The following ROR1 variants were observed in gnomAD, a reference collection of about 807,000 sequenced individuals.
The protein encoded by ROR1 is inactive tyrosine-protein kinase transmembrane receptor ROR1.
ROR1 carries 19 observed loss-of-function variants against 78.8 expected under a neutral mutation model. That is an observed-to-expected ratio of 0.24 (90% confidence interval 0.17 to 0.35). ROR1 has a LOEUF of 0.35. ROR1 is among the 10% of genes least tolerant of loss of function. The pLI is 1.00. For missense variants in ROR1, 917 were observed against 1,177.8 expected (o/e 0.78, Z 3.24); for synonymous variants, 386 against 433.6 (o/e 0.89, Z 1.36).
In ROR1 at chr1:63,938,880, C is replaced by T. The variant is rs760261338; in HGVS notation, c.92-70425C>T. On this transcript the variant is annotated intron_variant, in intron 1 of 8. Transcript: ENST00000371079. Reference sequence around the variant, plus strand: ...AGGTGTGGTGGCACATGCCTGTAGTCCCAGCTACTTGGGAGGCTGAGGTGA... The same window carrying T: ...AGGTGTGGTGGCACATGCCTGTAGTTCCAGCTACTTGGGAGGCTGAGGTGA... Among the ~76,000 whole-genome samples, 81 of 152,112 alleles carry T rather than the reference C, an allele frequency of 5.3e-4. No individual in the cohort carries two copies. The Middle Eastern group carries it at 0.014, about 26-fold the overall frequency.
At chr1:63,880,705 T>C (rs1457020714) in intron 1 of ROR1, among the ~76,000 whole-genome samples, 1 of 152,190 alleles carries the variant, frequency 6.6e-6, no homozygotes, top group Admixed American at 6.5e-5. Flanking sequence ...TCTAAGCAGT[T>C]GAATCAAGTG....
chr1:64,052,941 A>G (rs1405284116), intron 4 of ROR1, among the ~76,000 whole-genome samples: 1 of 151,758 alleles, frequency 6.6e-6, no homozygotes, highest in Admixed American at 6.6e-5. Context: ...TCACTTCCTG[A>G]GACTAACTCC....
chr1:64,142,704 C>T (rs1378650465), intron 7 of ROR1, 54 bp downstream of exon 7: 1 of 1,600,430 alleles, frequency 6.2e-7, no homozygotes, highest in South Asian at 1.1e-5. Context: ...AGATCCCTAT[C>T]CTACCCCTCT....
At chr1:64,038,000 C>G (rs976916614) in intron 2 of ROR1, among the ~76,000 whole-genome samples, 2 of 152,138 alleles carry the variant, frequency 1.3e-5, no homozygotes, top group African/African-American at 4.8e-5. Context: ...GACAGGTTCA[C>G]CCCCTCCTGA....
chr1:64,157,542 G>T (rs976384951), intron 7 of ROR1, among the ~76,000 whole-genome samples: 2 of 152,128 alleles, frequency 1.3e-5, no homozygotes, highest in African/African-American at 4.8e-5. Context: ...CCAGGTTTTG[G>T]TATTCCTTTT....
chr1:63,861,669 A>ATGAT (rs1271171096), intron 1 of ROR1, among the ~76,000 whole-genome samples: 1 of 152,246 alleles, frequency 6.6e-6, no homozygotes, highest in Non-Finnish European at 1.5e-5. Context: ...AGAGGGGCAT[A>ATGAT]TGATTGCCTT....
chr1:63,855,238 GTAAT>G (rs1645140983), intron 1 of ROR1, among the ~76,000 whole-genome samples: 1 of 152,096 alleles, frequency 6.6e-6, no homozygotes, highest in Non-Finnish European at 1.5e-5. Flanking sequence ...TATGTGTTTG[GTAAT>G]TAATTATGTA....
chr1:64,177,307 C>A, intron 8 of ROR1, 121 bp from the exon 9 acceptor site: 1 of 759,518 alleles, frequency 1.3e-6, no homozygotes, highest in Non-Finnish European at 2.2e-6. Context: ...TATAGACCTA[C>A]AATATTTTAT....
At chr1:64,144,037 C>T (rs1326043170) in intron 7 of ROR1, among the ~76,000 whole-genome samples, 1 of 152,098 alleles carries the variant, frequency 6.6e-6, no homozygotes, top group African/African-American at 2.4e-5. Context: ...GTGGCCTTGA[C>T]AGGAGGAGGA....
At chr1:64,038,809 G>A (rs1032457398) in intron 2 of ROR1, among the ~76,000 whole-genome samples, 1 of 152,138 alleles carries the variant, frequency 6.6e-6, no homozygotes, top group African/African-American at 2.4e-5. Flanking sequence ...CATTTTACAC[G>A]TCTATCTTTA....
intron 1 of ROR1, among the ~76,000 whole-genome samples, chr1:63,995,256 T>C (rs285366): frequency 0.74 from 112,914 of 151,978 alleles, 43,037 homozygotes; most frequent in East Asian, 0.94. Context: ...AAATACATAC[T>C]GGATTAGGGA....
chr1:63,796,139 AT>A lies in ROR1; in HGVS notation c.91+21642del, dbSNP rs796112747. Among the ~76,000 whole-genome samples, 147 of 148,446 alleles carry A rather than the reference AT, an allele frequency of 9.9e-4. 1 individual carries two copies. Among genetic ancestry groups the A allele is most frequent in the African/African-American group, 2.8e-3 (114 of 40,618 alleles). On this transcript the variant is annotated intron_variant, in intron 1 of 8. Transcript: ENST00000371079. ...GTCTTATATGGGAAAGGACGATGGGATTTTTTTTTTTCAGAAACATTTTTCC... is the reference window on the plus strand; with the variant it reads ...GTCTTATATGGGAAAGGACGATGGGATTTTTTTTTTCAGAAACATTTTTCC...
intron 1 of ROR1, among the ~76,000 whole-genome samples, chr1:63,988,051 T>C (rs1157217664): frequency 6.6e-6 from 1 of 152,200 alleles, no homozygotes; most frequent in East Asian, 1.9e-4. Flanking sequence ...ACCTAGATTT[T>C]CTTTTCTTGT....
At chr1:64,090,831 A>G (rs966994065) in intron 4 of ROR1, among the ~76,000 whole-genome samples, 1 of 151,964 alleles carries the variant, frequency 6.6e-6, no homozygotes, top group Non-Finnish European at 1.5e-5. Context: ...TCCCTGGTGG[A>G]TTTCCTTTTC....
intron 1 of ROR1, among the ~76,000 whole-genome samples, chr1:63,797,107 G>A (rs774788484): frequency 4.6e-5 from 7 of 152,118 alleles, no homozygotes; most frequent in Non-Finnish European, 5.9e-5. Context: ...ACTTGAAGCT[G>A]GTGGGAACTA....
chr1:63,877,135 A>C (rs1216138711), intron 1 of ROR1, among the ~76,000 whole-genome samples: 1 of 152,098 alleles, frequency 6.6e-6, no homozygotes, highest in African/African-American at 2.4e-5. Context: ...GCTTGGTTTA[A>C]TGGAAAGGGC....
At chr1:64,006,956 C>T (rs1646432507) in intron 1 of ROR1, among the ~76,000 whole-genome samples, 1 of 151,834 alleles carries the variant, frequency 6.6e-6, no homozygotes, top group African/African-American at 2.4e-5. Context: ...ATTTGGCAGA[C>T]AGTCACCATC....
At chr1:63,813,281 G>A (rs533843445) in intron 1 of ROR1, among the ~76,000 whole-genome samples, 28 of 152,276 alleles carry the variant, frequency 1.8e-4, no homozygotes, top group African/African-American at 6.5e-4. Context: ...CATTTGTTTA[G>A]CAATGGTGTA....
chr1:64,002,603 AT>A (rs1376078097), intron 1 of ROR1, among the ~76,000 whole-genome samples: 1 of 152,156 alleles, frequency 6.6e-6, no homozygotes, highest in African/African-American at 2.4e-5. Context: ...GATGTGTGTC[AT>A]TGTGGTGCTT....
Sources: allele counts gnomAD v4.1 joint callset (sites outside exome capture counted in the v4.1 genomes callset), GRCh38; gene constraint gnomAD v4.1.1; transcripts MANE v1.5; gene names NCBI Gene and HGNC (gene_info 2026-07-23, HGNC 2026-07-21).